Variants in ABCB1 observed in about 807,000 individuals in gnomAD.
The protein encoded by ABCB1 is ATP-dependent translocase ABCB1.
In ABCB1, 69 loss-of-function variants were observed where a neutral mutation model predicts 142.0. That is an observed-to-expected ratio of 0.49 (90% CI 0.40 to 0.59). ABCB1 has a LOEUF of 0.59. ABCB1 is among the 20% of genes least tolerant of loss of function. The pLI, the probability that ABCB1 is intolerant of heterozygous loss-of-function variation, is 0.00. For synonymous variants in ABCB1, 532 were observed against 539.2 expected, an observed-to-expected ratio of 0.99 and a Z score of 0.18; for missense variants, 1,326 against 1,554.7, an observed-to-expected ratio of 0.85 and a Z score of 2.47.
chr7:87,569,332 C>CAA (rs56689125), intron 5 of ABCB1, among the ~76,000 whole-genome samples: 1 of 111,968 alleles, frequency 8.9e-6, no homozygotes, highest in Non-Finnish European at 1.8e-5. Context: ...CACTCTGTCT[C>CAA]AAAAAAAAAA....
At chr7:87,690,343 TC>T (rs1827895863) in intron 1 of ABCB1, among the ~76,000 whole-genome samples, 1 of 152,186 alleles carries the variant, frequency 6.6e-6, no homozygotes, top group South Asian at 2.1e-4. Flanking sequence ...CATTTTCTTT[TC>T]TTTAAAGTTA....
At chr7:87,711,669 A>C (rs925714367) in intron 1 of ABCB1, among the ~76,000 whole-genome samples, 1 of 152,190 alleles carries the variant, frequency 6.6e-6, no homozygotes, top group African/African-American at 2.4e-5. Flanking sequence ...GCCATGTATA[A>C]ATTTAAATTA....
intron 27 of ABCB1, among the ~76,000 whole-genome samples, chr7:87,505,504 T>C (rs563717042): frequency 2.8e-4 from 42 of 152,342 alleles, no homozygotes; most frequent in African/African-American, 9.9e-4. Flanking sequence ...ATAATCTGAA[T>C]TTTTAACGTT....
At chr7:87,644,769 A>G (rs1822815215) in intron 1 of ABCB1, among the ~76,000 whole-genome samples, 1 of 152,008 alleles carries the variant, frequency 6.6e-6, no homozygotes, top group South Asian at 2.1e-4. Context: ...ATATGGATAT[A>G]TATATATTAA....
intron 1 of ABCB1, among the ~76,000 whole-genome samples, chr7:87,647,910 C>T (rs534100336): frequency 2.0e-5 from 3 of 152,184 alleles, no homozygotes; most frequent in African/African-American, 7.2e-5. Flanking sequence ...ATAGGCCAGG[C>T]ACGGTGGCTC....
At chr7:87,595,429 C>T (rs1819159967) in intron 3 of ABCB1, among the ~76,000 whole-genome samples, 1 of 151,982 alleles carries the variant, frequency 6.6e-6, no homozygotes, top group African/African-American at 2.4e-5. Flanking sequence ...ACCTAAAAAA[C>T]CTGCCAAATT....
At chr7:87,521,616 C>G in intron 21 of ABCB1, 1 of 769,122 alleles carries the variant, frequency 1.3e-6, no homozygotes, top group South Asian at 1.3e-5. Flanking sequence ...ATCCAAATAC[C>G]AAGCGCTCAA....
At chr7:87,522,202 G>C (rs745931208) in intron 21 of ABCB1, 123 of 1,380,446 alleles carry the variant, frequency 8.9e-5, no homozygotes, top group Non-Finnish European at 1.2e-4. Context: ...TAATGGATTT[G>C]GTAATCATGG....
chr7:87,544,856 G>T lies in ABCB1; in HGVS notation c.2031C>A (p.Ala677=). The change falls in exon 16 of 28, where the codon GCC becomes GCA. Residue 677 remains alanine, a synonymous_variant. Coordinates refer to ENST00000622132, the MANE Select transcript of ABCB1 (RefSeq NM_001348946.2). ...STRRSVRGSQ[A]QDRKLSTKEA... ...CTTTGGTACTAAGCTTTCTGTCTTG[G>T]GCTTGTGATCCACGGACACTCCTAC... The T allele has an allele frequency of 1.9e-6, 3 of 1,613,936 alleles. No homozygotes were observed. Among genetic ancestry groups the T allele is most frequent in the Non-Finnish European group, 2.5e-6 (3 of 1,179,994 alleles).
chr7:87,604,040 A>T (rs1819557722), upstream of ABCB1, among the ~76,000 whole-genome samples: 1 of 152,168 alleles, frequency 6.6e-6, no homozygotes, highest in South Asian at 2.1e-4. Flanking sequence ...ACATCTATGT[A>T]TCCATATACG....
Position 87,566,151 on chromosome 7 carries a change from T to G in ABCB1, c.621A>C (p.Gly207=). ...MATFFTGFIV[G]FTRGWKLTLV... is the part of the protein sequence containing the mutation. ...GGGTTAGCTTCCAACCACGTGTAAA[T>G]CCTACTATAAACCCAGTGAAAAATG... Residue 207 remains glycine, a synonymous_variant, in exon 7 of 28, where the codon GGA becomes GGC. Transcript: ENST00000622132. 6.2e-7 allele frequency: 1 copy of G among 1,614,124 alleles called. No individual in the cohort carries two copies. The highest frequency in any genetic ancestry group is 1.3e-5 in the African/African-American group (1 of 75,032).
chr7:87,685,172 T>A (rs909982336), intron 1 of ABCB1, among the ~76,000 whole-genome samples: 1 of 152,126 alleles, frequency 6.6e-6, no homozygotes, highest in Non-Finnish European at 1.5e-5. Flanking sequence ...GGAAAAAATA[T>A]TTGCAAATCA....
At chr7:87,512,097 C>G (rs183995057) in intron 25 of ABCB1, among the ~76,000 whole-genome samples, 44 of 151,650 alleles carry the variant, frequency 2.9e-4, no homozygotes, top group Non-Finnish European at 5.0e-4. Context: ...TGAAAAGGGA[C>G]CAGAATCTTT....
At chr7:87,527,044 A>G (rs1434455902) in intron 21 of ABCB1, among the ~76,000 whole-genome samples, 1 of 152,038 alleles carries the variant, frequency 6.6e-6, no homozygotes, top group Non-Finnish European at 1.5e-5. Context: ...TTTCAGGCAG[A>G]TATCCTTTCT....
intron 1 of ABCB1, among the ~76,000 whole-genome samples, chr7:87,712,601 G>A (rs1466417231): frequency 6.6e-6 from 1 of 151,824 alleles, no homozygotes; most frequent in African/African-American, 2.4e-5. Flanking sequence ...GATTGGGTGG[G>A]GTAGAAATAA....
chr7:87,609,718 A>G (rs913205395), intron 1 of ABCB1, among the ~76,000 whole-genome samples: 1 of 152,170 alleles, frequency 6.6e-6, no homozygotes, highest in Non-Finnish European at 1.5e-5. Context: ...TTTAATGATC[A>G]TTCTTCAGGA....
At chr7:87,525,143 T>C (rs1215694780) in intron 21 of ABCB1, among the ~76,000 whole-genome samples, 1 of 152,192 alleles carries the variant, frequency 6.6e-6, no homozygotes, top group Non-Finnish European at 1.5e-5. Flanking sequence ...CACAGCTTTG[T>C]TTATTCCAAG....
chr7:87,541,216 T>C, intron 18 of ABCB1, 141 bp downstream of exon 18: 2 of 641,810 alleles, frequency 3.1e-6, no homozygotes, highest in South Asian at 1.8e-5. Flanking sequence ...TTTTTCACTA[T>C]GTCAGAAAAA....
Position 87,512,643 on chromosome 7 carries a change from C to T in ABCB1, c.3282+2588G>A, listed in dbSNP as rs1815065683. 2.0e-5 allele frequency among the ~76,000 whole-genome samples: 3 copies of T among 152,184 alleles called. No homozygotes were observed. The South Asian group carries it at 6.2e-4, about 32-fold the overall frequency. ...ACTCATTTTTACATGGCAATAAAAA[C>T]TAATTAGTAGTAATCCACTGAGTTA... On this transcript the variant is annotated intron_variant, in intron 25 of 27. Transcript: ENST00000622132.
Sources: allele counts gnomAD v4.1 joint callset (sites outside exome capture counted in the v4.1 genomes callset), GRCh38; gene constraint gnomAD v4.1.1; transcripts MANE v1.5; gene names NCBI Gene and HGNC (gene_info 2026-07-23, HGNC 2026-07-21).